TULP4: variants seen among roughly 807,000 people sequenced by gnomAD.
TULP4 encodes TUB like protein 4, also known as tubby-related protein 4.
TULP4 carries 16 observed loss-of-function variants against 129.0 expected under a neutral mutation model. The ratio of observed to expected loss-of-function variants is 0.12; its 90% CI spans 0.08 to 0.19. The LOEUF (loss-of-function observed/expected upper bound fraction) is 0.19. Ranked by LOEUF, TULP4 falls within the 10% of genes least tolerant of loss-of-function variation. The pLI is 1.00. For missense variants in TULP4, 1,842 were observed against 2,059.1 expected (o/e 0.89, Z 2.04); for synonymous variants, 998 against 854.0 (o/e 1.17, Z -2.94).
At chr6:158,234,964 C>T (rs1252481628) in intron 1 of TULP4, among the ~76,000 whole-genome samples, 1 of 152,006 alleles carries the variant, frequency 6.6e-6, no homozygotes, top group Non-Finnish European at 1.5e-5. Flanking sequence ...GCCAGGAGTT[C>T]GAGACCAGCC....
At position 158,348,842 on chromosome 6, in the gene TULP4, G is replaced by A. The variant is rs1438549450; in HGVS notation, c.252+34574G>A. 1.3e-3 allele frequency among the ~76,000 whole-genome samples: 188 copies of A among 146,624 alleles called. 1 individual carries two copies. The highest frequency in any genetic ancestry group is 4.2e-3 in the African/African-American group (167 of 39,518). On this transcript the variant is annotated intron_variant, in intron 1 of 13. Transcript: ENST00000367097. ...CTCACCTCCCAGACAAAGGGCGGCC[G>A]GGCAGAGGTGCTCCTCACTTCCCAG... is the stretch of plus-strand genomic sequence containing the variant.
At chr6:158,309,484 G>A (rs1470276931), upstream of TULP4, among the ~76,000 whole-genome samples, 8 of 148,962 alleles carry the variant, frequency 5.4e-5, no homozygotes, top group East Asian at 4.0e-4. Context: ...CTTCCCAGAC[G>A]GGGTGGCGGC....
At chr6:158,289,740 C>CT (rs142104458) in intron 1 of TULP4, among the ~76,000 whole-genome samples, 20,207 of 151,688 alleles carry the variant, frequency 0.13, 1,704 homozygotes, top group African/African-American at 0.23. Flanking sequence ...GCCACCATGC[C>CT]TGGCTGATTT....
chr6:158,308,605 G>A (rs1271638441), upstream of TULP4, among the ~76,000 whole-genome samples: 2 of 151,494 alleles, frequency 1.3e-5, no homozygotes, highest in Non-Finnish European at 2.9e-5. Context: ...TCACCTCCCG[G>A]ACGGGGCGGC....
chr6:158,261,375 C>CATAA (rs1778349040), intron 1 of TULP4, among the ~76,000 whole-genome samples: 1 of 151,990 alleles, frequency 6.6e-6, no homozygotes, highest in Admixed American at 6.6e-5. Context: ...GAAGCATAAG[C>CATAA]GCTACAAGTA....
chr6:158,358,250 T>C (rs961093626), intron 1 of TULP4, among the ~76,000 whole-genome samples: 1 of 152,172 alleles, frequency 6.6e-6, no homozygotes, highest in Non-Finnish European at 1.5e-5. Context: ...TTACAGACTT[T>C]GTTAAGATAA....
intron 1 of TULP4, among the ~76,000 whole-genome samples, chr6:158,373,874 G>A (rs1272966618): frequency 4.6e-5 from 7 of 152,128 alleles, no homozygotes; most frequent in East Asian, 1.9e-4. Flanking sequence ...TTGAAAACTC[G>A]GTAGGTTTCA....
intron 1 of TULP4, among the ~76,000 whole-genome samples, chr6:158,323,758 A>C (rs1264414319): frequency 1.3e-5 from 2 of 152,242 alleles, no homozygotes; most frequent in African/African-American, 4.8e-5. Flanking sequence ...TTTCAAAACC[A>C]TATAATGTTA....
At chr6:158,446,163 G>A (rs1779032882) in intron 3 of TULP4, among the ~76,000 whole-genome samples, 1 of 152,202 alleles carries the variant, frequency 6.6e-6, no homozygotes, top group Non-Finnish European at 1.5e-5. Flanking sequence ...GATTAGGCAT[G>A]AAAAGAACTT....
chr6:158,311,990 AC>A (rs1234963372), upstream of TULP4: 4 of 395,422 alleles, frequency 1.0e-5, no homozygotes, highest in Non-Finnish European at 1.8e-5. Context: ...TATTCTTAAA[AC>A]CTTTATTTTC....
chr6:158,371,159 A>C (rs1041166763), intron 1 of TULP4, among the ~76,000 whole-genome samples: 4 of 152,242 alleles, frequency 2.6e-5, no homozygotes, highest in Non-Finnish European at 2.9e-5. Flanking sequence ...TAGATAGCAC[A>C]TGAGGAAAAA....
intron 1 of TULP4, among the ~76,000 whole-genome samples, chr6:158,236,809 T>C (rs1239383719): frequency 3.5e-4 from 22 of 62,864 alleles, no homozygotes; most frequent in South Asian, 1.9e-3. Context: ...TTTTTTTTTT[T>C]TTTTTTTTTT....
intron 8 of TULP4, among the ~76,000 whole-genome samples, chr6:158,488,357 C>G (rs1402937767): frequency 1.3e-5 from 2 of 152,108 alleles, no homozygotes; most frequent in African/African-American, 2.4e-5. Flanking sequence ...GTGCATTAAG[C>G]CTTTTTATTT....
intron 1 of TULP4, among the ~76,000 whole-genome samples, chr6:158,329,220 GT>G (rs900815170): frequency 6.6e-6 from 1 of 152,076 alleles, no homozygotes; most frequent in African/African-American, 2.4e-5. Flanking sequence ...GACATGTGTT[GT>G]TTTTTCCACT....
rs185919580 is a variant in TULP4 at position 158,328,760 on chromosome 6, G to T, written c.252+14492G>T. On this transcript the variant is annotated intron_variant, in intron 1 of 13. Coordinates refer to ENST00000367097, the MANE Select transcript of TULP4 (RefSeq NM_020245.5). ...GGACACTAATGTGCCTAATCTGTAA[G>T]GCATTCTAGACTCATCTTGTGCAGT... 6.9e-3 allele frequency among the ~76,000 whole-genome samples: 306 copies of T among 44,596 alleles called. 2 individuals are homozygous for T. The highest frequency in any genetic ancestry group is 0.014 in the African/African-American group (270 of 18,676). The allele number at this position is 44,596 out of a possible 152,430, so 29.3% of individuals were successfully genotyped here. A position where few individuals can be genotyped will look rare whatever the true frequency, so the allele number is the denominator to read the frequency against.
At chr6:158,380,855 C>T (rs1309341245) in intron 1 of TULP4, among the ~76,000 whole-genome samples, 1 of 147,158 alleles carries the variant, frequency 6.8e-6, no homozygotes, top group Non-Finnish European at 1.5e-5. Flanking sequence ...GACCACGCCA[C>T]TGCACTCCAG....
intron 1 of TULP4, among the ~76,000 whole-genome samples, chr6:158,385,093 G>A (rs947935106): frequency 1.3e-5 from 2 of 152,272 alleles, no homozygotes; most frequent in Admixed American, 6.5e-5. Flanking sequence ...GTGTGTTGAT[G>A]CCGTGAATGT....
chr6:158,351,563 G>A (rs1044095475), intron 1 of TULP4, among the ~76,000 whole-genome samples: 4 of 152,108 alleles, frequency 2.6e-5, no homozygotes, highest in South Asian at 4.1e-4. Context: ...TGGGAAAAAC[G>A]TAGTGGATTT....
chr6:158,430,540 C>G (rs1778605723), intron 3 of TULP4, among the ~76,000 whole-genome samples: 1 of 151,974 alleles, frequency 6.6e-6, no homozygotes, highest in Non-Finnish European at 1.5e-5. Flanking sequence ...GTCAGGATTT[C>G]GAGACCAGCC....
Sources: allele counts gnomAD v4.1 joint callset (sites outside exome capture counted in the v4.1 genomes callset), GRCh38; gene constraint gnomAD v4.1.1; transcripts MANE v1.5; gene names NCBI Gene and HGNC (gene_info 2026-07-23, HGNC 2026-07-21).